Variants in HDAC10 observed in about 807,000 individuals in gnomAD.
HDAC10 encodes polyamine deacetylase HDAC10.
In HDAC10, 90 loss-of-function variants were observed where a neutral mutation model predicts 82.3. The observed-to-expected ratio is 1.09, with a 90% CI of 0.92 to 1.30. The LOEUF is 1.30. HDAC10 is among the 50% of genes most tolerant of loss of function. The pLI is 0.00. For synonymous variants in HDAC10, 456 were observed against 391.7 expected (o/e 1.16, Z -1.94); for missense variants, 934 against 876.3 (o/e 1.07, Z -0.83).
rs1166109515 is a variant in HDAC10 at position 50,245,458 on chromosome 22, G to A, written c.*49C>T. The A allele has an allele frequency of 2.6e-6, 2 of 758,662 alleles. No homozygotes were observed. Among genetic ancestry groups the A allele is most frequent in the Admixed American group, 1.9e-5 (1 of 53,366 alleles). 47.0% of individuals were successfully genotyped at this position (758,662 alleles called of 1,614,324 possible). A position where few individuals can be genotyped will look rare whatever the true frequency, so the allele number is the denominator to read the frequency against. On this transcript the variant is annotated 3_prime_UTR_variant, in exon 20 of 20. Transcript: ENST00000216271. The stretch of plus-strand genomic sequence containing the variant: ...GTCCGGATCGCGGCCGCGGGGCGCT[G>A]GCGTGCGGTGTCATTTCTGCGGTGT...
In HDAC10 at chr22:50,245,323, G is replaced by A. The variant is rs1169426934; in HGVS notation, c.*184C>T. 1 of 630,368 alleles carries A rather than the reference G, an allele frequency of 1.6e-6. No homozygotes were observed. Among genetic ancestry groups the A allele is most frequent in the Non-Finnish European group, 2.9e-6 (1 of 348,558 alleles). The allele number at this position is 630,368 out of a possible 1,614,324, so 39.0% of individuals were successfully genotyped here. A position where few individuals can be genotyped will look rare whatever the true frequency, so the allele number is the denominator to read the frequency against. On this transcript the variant is annotated 3_prime_UTR_variant, in exon 20 of 20. Coordinates refer to ENST00000216271, the MANE Select transcript of HDAC10 (RefSeq NM_032019.6). ...GGCGCGATGGGTGGGGCGGGGGCGAGGTGAGGTGAGGGGTGGAGCGGGGGA... is the reference window on the plus strand; with the variant it reads ...GGCGCGATGGGTGGGGCGGGGGCGAAGTGAGGTGAGGGGTGGAGCGGGGGA...
At position 50,249,668 on chromosome 22, in the gene HDAC10, T is replaced by G; in HGVS notation, c.530A>C (p.Gln177Pro). ...LVVDWDVHHG[Q>P]GIQYLFEDDP... The stretch of plus-strand genomic sequence containing the variant: ...ATCCTCAAAGAGATACTGGATCCCC[T>G]GGCCATGGTGCACATCCCAGTCCAC... Residue 177 changes from glutamine to proline, a missense_variant, in exon 6 of 20, where the codon CAG becomes CCG. Transcript: ENST00000216271. The surrounding 1 kb of genome is among the most constrained non-coding windows in gnomAD (Gnocchi z 4.4). 6.2e-7 allele frequency: 1 copy of G among 1,612,894 alleles called. No individual in the cohort carries two copies. The highest frequency in any genetic ancestry group is 8.5e-7 in the Non-Finnish European group (1 of 1,179,972).
At chr22:50,245,645 G>A (rs557729310) in intron 19 of HDAC10, 30 bp downstream of exon 19, 2 of 1,612,132 alleles carry the variant, frequency 1.2e-6, no homozygotes, top group African/African-American at 2.7e-5. Context: ...AGGCCCCAGG[G>A]CAGGGCCATG....
Position 50,248,278 on chromosome 22 carries a change from A to C in HDAC10, c.1028T>G (p.Ile343Ser). ...MAPCQSALES[I>S]QSARAAQAPH... is the part of the protein sequence containing the mutation. ...GGCCTGGGCAGCACGGGCACTCTGG[A>C]TGGACTCTAGGGCACTGTGAGGGAG... Residue 343 changes from isoleucine (I) to serine (S), a missense_variant, in exon 12 of 20, where the codon ATC becomes AGC. Transcript: ENST00000216271. This position sits in a 1 kb window ranked among gnomAD's most constrained non-coding sequence, Gnocchi z 5.4. 2 of 1,612,402 alleles carry C rather than the reference A, an allele frequency of 1.2e-6. No individual in the cohort carries two copies. Among genetic ancestry groups the C allele is most frequent in the Non-Finnish European group, 1.7e-6 (2 of 1,179,894 alleles).
At chr22:50,247,632 C>T (rs2064987236) in intron 14 of HDAC10, 60 bp downstream of exon 14, 4 of 1,251,188 alleles carry the variant, frequency 3.2e-6, no homozygotes, top group Admixed American at 2.2e-5. Context: ...ATCTCGTTGG[C>T]AGGTCCTGGT....
intron 2 of HDAC10, 34 bp downstream of exon 2, chr22:50,250,737 C>A: frequency 6.5e-7 from 1 of 1,531,142 alleles, no homozygotes; most frequent in Non-Finnish European, 8.8e-7. Flanking sequence ...CTGCCCGCCC[C>A]GCCCCCCATC....
rs777964364 is a variant in HDAC10 at position 50,247,689 on chromosome 22, C to T, written c.1422+3G>A. The T allele has an allele frequency of 1.3e-6, 2 of 1,564,292 alleles. No homozygotes were observed. Among genetic ancestry groups the T allele is most frequent in the African/African-American group, 2.7e-5 (2 of 74,032 alleles). On this transcript the variant is annotated splice_donor_region_variant and intron_variant, in intron 14 of 19. Transcript: ENST00000216271. ...ATCCCCAACCCCTCCCAGGTGCTCC[C>T]ACCTGCCCATCCAGCATCCCATCTA... is the stretch of plus-strand genomic sequence containing the variant.
chr22:50,249,841 C>A lies in HDAC10; in HGVS notation c.494+19G>T, dbSNP rs1241218818. 1 of 1,609,406 alleles carries A rather than the reference C, an allele frequency of 6.2e-7. No homozygotes were observed. Among genetic ancestry groups the A allele is most frequent in the Non-Finnish European group, 8.5e-7 (1 of 1,177,322 alleles). ...TGTGTGGCCTGGGCCCACCCCCCTG[C>A]AGCCAGCCTGGCACACACCTGTGTA... On this transcript the variant is annotated intron_variant, in intron 5 of 19. Coordinates refer to ENST00000216271, the MANE Select transcript of HDAC10 (RefSeq NM_032019.6). The surrounding 1 kb of genome is among the most constrained non-coding windows in gnomAD (Gnocchi z 4.4).
At position 50,249,285 on chromosome 22, in the gene HDAC10, G is replaced by A. The variant is rs760175453; in HGVS notation, c.690+43C>T. 3.3e-6 allele frequency: 5 copies of A among 1,514,724 alleles called. No homozygotes were observed. Among genetic ancestry groups the A allele is most frequent in the East Asian group, 2.5e-5 (1 of 40,066 alleles). 93.8% of individuals were successfully genotyped at this position (1,514,724 alleles called of 1,614,324 possible). A position where few individuals can be genotyped will look rare whatever the true frequency, so the allele number is the denominator to read the frequency against. On this transcript the variant is annotated intron_variant, in intron 7 of 19. Coordinates refer to ENST00000216271, the MANE Select transcript of HDAC10 (RefSeq NM_032019.6). The surrounding 1 kb of genome is among the most constrained non-coding windows in gnomAD (Gnocchi z 4.4). The stretch of plus-strand genomic sequence containing the variant: ...ACTGTGGGGGAGGGGAGGGGCCCAG[G>A]GGGAGGGGGCTGGGTGGGGACCTGG...
Position 50,250,821 on chromosome 22 carries a change from C to A in HDAC10, c.144G>T (p.Leu48=). 1 of 1,604,578 alleles carries A rather than the reference C, an allele frequency of 6.2e-7. No homozygotes were observed. The change falls in exon 2 of 20, where the codon CTG becomes CTT. Residue 48 remains leucine, a synonymous_variant. Coordinates refer to ENST00000216271, the MANE Select transcript of HDAC10 (RefSeq NM_032019.6). ...CCGAGGCCTCGCGGGCTGACAACCGCAGACACCTCTGTTCCAGGCCGCGCT... is the reference window on the plus strand; with the variant it reads ...CCGAGGCCTCGCGGGCTGACAACCGAAGACACCTCTGTTCCAGGCCGCGCT... The part of the protein sequence containing the change: ...LRQRGLEQRC[L]RLSAREASEE...
In HDAC10 at chr22:50,250,145, C is replaced by T. The variant is rs200223518; in HGVS notation, c.307G>A (p.Ala103Thr). The change falls in exon 4 of 20, where the codon GCG (alanine) becomes ACG (threonine). Residue 103 changes from alanine to threonine, a missense_variant. Transcript: ENST00000216271. ...AGTCCAGCCCCTGCGGCCAGCCGCG[C>T]GCAGTGAAAGGTACTCTGTGGGCGC... is the stretch of plus-strand genomic sequence containing the variant. ...IYFHPSTFHC[A>T]RLAAGAGLQL... 3.1e-5 allele frequency: 50 copies of T among 1,612,280 alleles called. No individual in the cohort carries two copies. The highest frequency in any genetic ancestry group is 7.7e-5 in the South Asian group (7 of 91,072).
In HDAC10 at chr22:50,249,073, C is replaced by G; in HGVS notation, c.756+30G>C. The G allele has an allele frequency of 1.9e-6, 3 of 1,567,430 alleles. No individual in the cohort carries two copies. Among genetic ancestry groups the G allele is most frequent in the Non-Finnish European group, 1.7e-6 (2 of 1,153,258 alleles). On this transcript the variant is annotated intron_variant, in intron 8 of 19. Coordinates refer to ENST00000216271, the MANE Select transcript of HDAC10 (RefSeq NM_032019.6). This position sits in a 1 kb window ranked among gnomAD's most constrained non-coding sequence, Gnocchi z 4.4. ...GGCACAAGGTCCCCCTCCCACCCGGCTGCCCTGGGGGAGCCCTCCGTGCAG... is the reference window on the plus strand; with the variant it reads ...GGCACAAGGTCCCCCTCCCACCCGGGTGCCCTGGGGGAGCCCTCCGTGCAG...
rs76662439 is a variant in HDAC10 at position 50,251,225 on chromosome 22, C to T, written c.-193G>A. The T allele has an allele frequency of 4.9e-3, 2,780 of 565,578 alleles. 42 individuals are homozygous for T. Among genetic ancestry groups the T allele is most frequent in the East Asian group, 0.043 (1,376 of 31,740 alleles). The allele number at this position is 565,578 out of a possible 1,614,324, so 35.0% of individuals were successfully genotyped here. ...CGGGATCCCAGGCGCGCAGAAGGCA[C>T]GGAGCGAGGCTGCAGTCGAAGGGGG... On this transcript the variant is annotated 5_prime_UTR_variant, in exon 1 of 20. The change creates a new upstream start codon in the 5' untranslated region. Transcript: ENST00000216271.
Position 50,249,096 on chromosome 22 carries a change from C to T in HDAC10, c.756+7G>A, listed in dbSNP as rs758498852. Reference sequence around the variant, plus strand: ...GGCTGCCCTGGGGGAGCCCTCCGTGCAGTCACCTCAAAGGCCAGTGGGAGC... The same window carrying T: ...GGCTGCCCTGGGGGAGCCCTCCGTGTAGTCACCTCAAAGGCCAGTGGGAGC... On this transcript the variant is annotated splice_region_variant and intron_variant, in intron 8 of 19. Transcript: ENST00000216271. The surrounding 1 kb of genome is among the most constrained non-coding windows in gnomAD (Gnocchi z 4.4). 6 of 1,594,190 alleles carry T rather than the reference C, an allele frequency of 3.8e-6. No individual in the cohort carries two copies. The South Asian group carries it at 5.7e-5, about 15-fold the overall frequency.
At chr22:50,246,489 G>A in intron 16 of HDAC10, 113 bp from the exon 17 acceptor site, 1 of 1,073,838 alleles carries the variant, frequency 9.3e-7, no homozygotes, top group Non-Finnish European at 1.4e-6. Flanking sequence ...TGCTGTGACT[G>A]CTGAGCCTCT....
rs760121102 is a variant in HDAC10 at position 50,247,777 on chromosome 22, C to T, written c.1338-1G>A. On this transcript the variant is annotated splice_acceptor_variant, in intron 13 of 19. Coordinates refer to ENST00000216271, the MANE Select transcript of HDAC10 (RefSeq NM_032019.6). LOFTEE classifies it high-confidence loss of function. ...CTCCCGGGCCAGGGACTCGTGTGGC[C>T]TGTGGTGGACAGACCAGAGGGACAC... The T allele has an allele frequency of 9.9e-6, 16 of 1,611,384 alleles. No individual in the cohort carries two copies. Among genetic ancestry groups the T allele is most frequent in the Admixed American group, 3.3e-5 (2 of 59,968 alleles).
At position 50,248,498 on chromosome 22, in the gene HDAC10, G is replaced by A; in HGVS notation, c.907-26C>T. On this transcript the variant is annotated intron_variant, in intron 10 of 19. Coordinates refer to ENST00000216271, the MANE Select transcript of HDAC10 (RefSeq NM_032019.6). The surrounding 1 kb of genome is among the most constrained non-coding windows in gnomAD (Gnocchi z 5.4). Reference sequence around the variant, plus strand: ...CTGGGAGGAGGGTGGAGACATGATTGGGGCAGAGATATCACTGGGATGGGA... The same window carrying A: ...CTGGGAGGAGGGTGGAGACATGATTAGGGCAGAGATATCACTGGGATGGGA... 6.3e-7 allele frequency: 1 copy of A among 1,590,262 alleles called. No homozygotes were observed. The highest frequency in any genetic ancestry group is 1.3e-5 in the African/African-American group (1 of 74,660).
At position 50,248,207 on chromosome 22, in the gene HDAC10, G is replaced by C; in HGVS notation, c.1081+18C>G. ...GCCCGAGGTGGGATCCTGCAGCCTA[G>C]CACCCGGCCACACTGACCTTGCTGC... On this transcript the variant is annotated intron_variant, in intron 12 of 19. Transcript: ENST00000216271. This position sits in a 1 kb window ranked among gnomAD's most constrained non-coding sequence, Gnocchi z 5.4. 3 of 1,608,882 alleles carry C rather than the reference G, an allele frequency of 1.9e-6. No homozygotes were observed. The highest frequency in any genetic ancestry group is 2.5e-6 in the Non-Finnish European group (3 of 1,178,208).
chr22:50,251,050 C>A lies in HDAC10; in HGVS notation c.-18G>T. On this transcript the variant is annotated 5_prime_UTR_variant, in exon 1 of 20. Coordinates refer to ENST00000216271, the MANE Select transcript of HDAC10 (RefSeq NM_032019.6). Reference sequence around the variant, plus strand: ...GTCCCCATGGCTGCGCCGTGGTCACCCTGGGTTCCCAAACGCCCTCGCTAG... The same window carrying A: ...GTCCCCATGGCTGCGCCGTGGTCACACTGGGTTCCCAAACGCCCTCGCTAG... 4 of 1,605,624 alleles carry A rather than the reference C, an allele frequency of 2.5e-6. No homozygotes were observed. The highest frequency in any genetic ancestry group is 3.4e-6 in the Non-Finnish European group (4 of 1,175,326).
Sources: allele counts gnomAD v4.1 joint callset, GRCh38; gene constraint gnomAD v4.1.1; non-coding constraint Gnocchi (gnomAD v3.1); transcripts MANE v1.5; gene names NCBI Gene and HGNC (gene_info 2026-07-23, HGNC 2026-07-21).